CDH18: variants seen among roughly 807,000 people sequenced by gnomAD.
The protein encoded by CDH18 is cadherin 18, also known as cadherin-18.
Under a neutral mutation model 67.9 loss-of-function variants are expected in CDH18, and 31 were observed. That is an observed-to-expected ratio of 0.46 (90% CI 0.34 to 0.62). The LOEUF (loss-of-function observed/expected upper bound fraction) is 0.62. Ranked by LOEUF, CDH18 falls within the 20% of genes least tolerant of loss-of-function variation. The pLI is 0.01. For synonymous variants in CDH18, 362 were observed against 347.2 expected (o/e 1.04, Z -0.48); for missense variants, 890 against 975.5 (o/e 0.91, Z 1.17).
chr5:20,153,345 A>C (rs1425874861), intron 2 of CDH18, among the ~76,000 whole-genome samples: 1 of 152,114 alleles, frequency 6.6e-6, no homozygotes, highest in Admixed American at 6.6e-5. Flanking sequence ...GTATCCATAT[A>C]ATCAAGCCTA....
chr5:20,117,182 C>T (rs1747995669), intron 2 of CDH18, among the ~76,000 whole-genome samples: 1 of 152,118 alleles, frequency 6.6e-6, no homozygotes. Context: ...ATATCTATCA[C>T]TGGGGCCATC....
intron 1 of CDH18, among the ~76,000 whole-genome samples, chr5:20,294,752 A>G (rs1747358412): frequency 6.6e-6 from 1 of 152,220 alleles, no homozygotes; most frequent in South Asian, 2.1e-4. Flanking sequence ...AGCATGGTTT[A>G]CAAAATTAAA....
chr5:20,300,838 T>G (rs1747922633), intron 1 of CDH18, among the ~76,000 whole-genome samples: 1 of 152,212 alleles, frequency 6.6e-6, no homozygotes. Flanking sequence ...GTCAACTTAT[T>G]TTAAAACATA....
chr5:19,956,606 C>G (rs571402946), intron 2 of CDH18, among the ~76,000 whole-genome samples: 29 of 151,700 alleles, frequency 1.9e-4, no homozygotes, highest in African/African-American at 6.8e-4. Context: ...CCATTTCTTA[C>G]CAAATTATCC....
intron 1 of CDH18, among the ~76,000 whole-genome samples, chr5:20,443,613 T>A (rs1019741954): frequency 6.6e-6 from 1 of 151,964 alleles, no homozygotes. Flanking sequence ...ATTAGGTTAT[T>A]CTTTATGAGT....
intron 1 of CDH18, among the ~76,000 whole-genome samples, chr5:20,356,674 T>C (rs1332436734): frequency 6.7e-6 from 1 of 149,612 alleles, no homozygotes; most frequent in Non-Finnish European, 1.5e-5. Context: ...GAGCAGGAGA[T>C]AAAGAAATAC....
At chr5:19,522,084 A>G (rs1746987924) in intron 9 of CDH18, among the ~76,000 whole-genome samples, 2 of 152,120 alleles carry the variant, frequency 1.3e-5, no homozygotes, top group South Asian at 4.1e-4. Flanking sequence ...CTCAACAAAA[A>G]AAGACGGAAG....
At chr5:20,135,664 G>T (rs1749648675) in intron 2 of CDH18, among the ~76,000 whole-genome samples, 1 of 152,086 alleles carries the variant, frequency 6.6e-6, no homozygotes, top group Non-Finnish European at 1.5e-5. Context: ...TGCTTCTTTA[G>T]TTCTTTTAAT....
chr5:20,484,421 T>C (rs1368210149), intron 1 of CDH18, among the ~76,000 whole-genome samples: 1 of 152,036 alleles, frequency 6.6e-6, no homozygotes, highest in African/African-American at 2.4e-5. Context: ...AGTAATCTCA[T>C]TGCTAGGTAT....
chr5:20,106,084 C>T (rs780363870), intron 2 of CDH18, among the ~76,000 whole-genome samples: 5 of 152,134 alleles, frequency 3.3e-5, no homozygotes, highest in East Asian at 1.9e-4. Flanking sequence ...TTCCAGTTGG[C>T]GATGGTAATT....
intron 1 of CDH18, among the ~76,000 whole-genome samples, chr5:20,356,541 T>C (rs1055398725): frequency 3.5e-4 from 54 of 152,240 alleles, no homozygotes; most frequent in African/African-American, 9.6e-4. Flanking sequence ...TTTAATAATA[T>C]AGACAGCATG....
chr5:20,270,791 T>TACTACACAACCATAAAAA (rs1489074771), intron 1 of CDH18, among the ~76,000 whole-genome samples: 1 of 143,096 alleles, frequency 7.0e-6, no homozygotes, highest in African/African-American at 2.4e-5. Context: ...GGACATGGAA[T>TACTACACAACCATAAAAA]ACTACACAAC....
chr5:20,404,175 G>A (rs1410292574), intron 1 of CDH18, among the ~76,000 whole-genome samples: 1 of 152,150 alleles, frequency 6.6e-6, no homozygotes, highest in Non-Finnish European at 1.5e-5. Flanking sequence ...AATGGGCTTT[G>A]GCTTAAGCAA....
chr5:19,972,577 G>T (rs1798126560), intron 2 of CDH18, among the ~76,000 whole-genome samples: 1 of 89,422 alleles, frequency 1.1e-5, no homozygotes, highest in Admixed American at 9.7e-5. Flanking sequence ...TAAAAATATA[G>T]CAGGGGAATA....
chr5:19,936,771 G>A (rs1794319577), intron 2 of CDH18, among the ~76,000 whole-genome samples: 1 of 150,772 alleles, frequency 6.6e-6, no homozygotes, highest in African/African-American at 2.4e-5. Context: ...TAAAATATAT[G>A]TCCAATTCAT....
intron 2 of CDH18, among the ~76,000 whole-genome samples, chr5:20,045,409 T>C (rs1740812564): frequency 6.6e-6 from 1 of 152,060 alleles, no homozygotes; most frequent in Non-Finnish European, 1.5e-5. Flanking sequence ...CAGTGAACAA[T>C]TCCCAGGGAA....
chr5:20,039,585 A>C (rs1740218092), intron 2 of CDH18, among the ~76,000 whole-genome samples: 1 of 152,190 alleles, frequency 6.6e-6, no homozygotes, highest in African/African-American at 2.4e-5. Flanking sequence ...TGACAAAAAC[A>C]AGAAATGGGG....
At chr5:19,906,958 G>A (rs1480967797) in intron 2 of CDH18, among the ~76,000 whole-genome samples, 1 of 151,938 alleles carries the variant, frequency 6.6e-6, no homozygotes, top group Non-Finnish European at 1.5e-5. Context: ...TAGGTAAATA[G>A]AGTTTAATGA....
intron 2 of CDH18, among the ~76,000 whole-genome samples, chr5:20,075,949 A>G (rs1278482743): frequency 1.3e-5 from 2 of 152,182 alleles, no homozygotes; most frequent in Admixed American, 1.3e-4. Context: ...AATCTAGGGA[A>G]TTCAGGAGCA....
Sources: gnomAD v4.1 joint callset for allele counts (sites outside exome capture counted in the v4.1 genomes callset) on GRCh38, gnomAD v4.1.1 for gene constraint, MANE v1.5 for transcripts, NCBI Gene and HGNC (gene_info 2026-07-23, HGNC 2026-07-21) for gene names.